The following RNASE11 variants were observed in gnomAD, a reference collection of about 807,000 sequenced individuals.
RNASE11 encodes ribonuclease A family member 11 (inactive), also known as putative inactive ribonuclease 11.
For missense variants in RNASE11, 252 were observed against 237.8 expected, an observed-to-expected ratio of 1.06 and a Z score of -0.39; for synonymous variants, 105 against 86.1, an observed-to-expected ratio of 1.22 and a Z score of -1.21.
upstream of RNASE11, chr14:20,587,902 T>C (rs1884469753): frequency 1.1e-6 from 1 of 940,830 alleles, no homozygotes. Flanking sequence ...AAATGAGCAA[T>C]GAACAGCTGA....
exon 2 of RNASE11, chr14:20,583,656 CAG>C (rs984602359): frequency 7.2e-5 from 18 of 250,022 alleles, no homozygotes; most frequent in South Asian, 2.0e-4. Context: ...TCCCCCCACA[CAG>C]AGAGAGAGAT....
At chr14:20,585,570 T>C (rs1411729720) in intron 1 of RNASE11, among the ~76,000 whole-genome samples, 1 of 152,222 alleles carries the variant, frequency 6.6e-6, no homozygotes, top group Non-Finnish European at 1.5e-5. Flanking sequence ...TTAATGGAAT[T>C]ATCCACAATT....
chr14:20,584,578 T>C, intron 1 of RNASE11, 82 bp from the exon 3 acceptor site: 3 of 1,168,222 alleles, frequency 2.6e-6, no homozygotes, highest in Non-Finnish European at 2.3e-6. Flanking sequence ...TTATTCCTGG[T>C]AGGGACCCCT....
rs554892294 is a variant in RNASE11 at position 20,585,865 on chromosome 14, G to C, written c.-22-1369C>G. ...CAATCCTGGAAAATCCCTAAAGAAA[G>C]GTTATTTAAGTTAATAATTATTTCT... On this transcript the variant is annotated intron_variant, in intron 1 of 1. Transcript: ENST00000553849. 3.7e-4 allele frequency among the ~76,000 whole-genome samples: 56 copies of C among 152,180 alleles called. No homozygotes were observed. In the South Asian group the frequency reaches 0.01, roughly 28 times the overall value.
At chr14:20,589,647 G>A (rs1316066795), upstream of RNASE11, among the ~76,000 whole-genome samples, 20 of 152,124 alleles carry the variant, frequency 1.3e-4, no homozygotes, top group Admixed American at 7.2e-4. Context: ...AGCACTTTGA[G>A]AGGCTGAGGT....
chr14:20,583,834 T>C (rs753550188), exon 2 of RNASE11: 2 of 1,536,394 alleles, frequency 1.3e-6, no homozygotes, highest in South Asian at 2.6e-5. Context: ...CAAGAAGAGG[T>C]CCTTCTTTAG....
exon 1 of RNASE11, chr14:20,587,708 A>G: frequency 5.1e-6 from 5 of 985,454 alleles, no homozygotes; most frequent in Non-Finnish European, 6.0e-6. Flanking sequence ...CTAAGATGGA[A>G]GAAGCCATGA....
chr14:20,586,912 G>T (rs773256780), intron 1 of RNASE11, among the ~76,000 whole-genome samples: 1 of 152,200 alleles, frequency 6.6e-6, no homozygotes, highest in Non-Finnish European at 1.5e-5. Context: ...TGCTTTGGGA[G>T]GCCAATGCGG....
chr14:20,589,826 G>T (rs1054651983), upstream of RNASE11, among the ~76,000 whole-genome samples: 6 of 152,124 alleles, frequency 3.9e-5, no homozygotes, highest in African/African-American at 1.2e-4. Context: ...AGCAGAGGTT[G>T]CAGTGAGCCG....
At chr14:20,585,164 G>A in intron 1 of RNASE11, 1 of 810,500 alleles carries the variant, frequency 1.2e-6, no homozygotes, top group Non-Finnish European at 1.5e-6. Context: ...GGGGTAGATA[G>A]GGTTGTATGA....
At chr14:20,590,220 G>C, upstream of RNASE11, 1 of 1,585,034 alleles carries the variant, frequency 6.3e-7, no homozygotes, top group South Asian at 1.2e-5. Flanking sequence ...TCTGCCTCAG[G>C]CACAGCCAGC....
In RNASE11 at chr14:20,584,394, TTTAA is replaced by T. The variant is rs1884387762; in HGVS notation, c.77_80del (p.Ile26LysfsTer26). Reference sequence around the variant, plus strand: ...GCATCTCTTCGTCTGTAAATTCTTCTTTAATTATCTTCATTGTGCTTTCTGATGC... The same window carrying T: ...GCATCTCTTCGTCTGTAAATTCTTCTTTATCTTCATTGTGCTTTCTGATGC... On this transcript the variant is annotated frameshift_variant, in exon 2 of 2. Transcript: ENST00000553849. LOFTEE classifies it low-confidence loss of function (END_TRUNC). The T allele has an allele frequency of 6.2e-7, 1 of 1,614,098 alleles. No individual in the cohort carries two copies.
exon 2 of RNASE11, chr14:20,584,430 A>C: frequency 1.2e-6 from 2 of 1,612,480 alleles, no homozygotes; most frequent in Middle Eastern, 3.3e-4. Flanking sequence ...ATGCTTCTGC[A>C]AGAACCAGGC....
upstream of RNASE11, chr14:20,590,204 T>C: frequency 1.3e-6 from 2 of 1,568,596 alleles, no homozygotes; most frequent in Non-Finnish European, 1.7e-6. Flanking sequence ...ATGTCCACGG[T>C]CCAGGTCTGC....
Position 20,585,093 on chromosome 14 carries a change from C to T in RNASE11, c.-22-597G>A, listed in dbSNP as rs904343864. On this transcript the variant is annotated intron_variant, in intron 1 of 1. Transcript: ENST00000553849. ...TTTGTTGCAGAGCTAAAAGTGAAAT[C>T]GTGTTTGTTTCCTGGGAGTTTCTGC... 20 of 985,260 alleles carry T rather than the reference C, an allele frequency of 2.0e-5. No homozygotes were observed. The African/African-American group carries it at 2.6e-4, about 13-fold the overall frequency. 61.0% of individuals were successfully genotyped at this position (985,260 alleles called of 1,614,324 possible). A position where few individuals can be genotyped will look rare whatever the true frequency, so the allele number is the denominator to read the frequency against.
chr14:20,585,576 C>T (rs1169078689), intron 1 of RNASE11, among the ~76,000 whole-genome samples: 1 of 152,168 alleles, frequency 6.6e-6, no homozygotes, highest in Non-Finnish European at 1.5e-5. Context: ...GAATTATCCA[C>T]AATTTTGCAT....
upstream of RNASE11, among the ~76,000 whole-genome samples, chr14:20,589,923 T>G (rs17113806): frequency 0.014 from 2,183 of 152,194 alleles, 56 homozygotes; most frequent in African/African-American, 0.049. Context: ...ATCAAATATA[T>G]TCATCTAGGT....
chr14:20,589,312 T>G (rs1884509287), upstream of RNASE11, among the ~76,000 whole-genome samples: 1 of 151,082 alleles, frequency 6.6e-6, no homozygotes, highest in East Asian at 2.0e-4. Context: ...TGGAGTGCAG[T>G]GGCGCGATCT....
At chr14:20,585,008 A>G (rs1462020888) in intron 1 of RNASE11, 1 of 921,472 alleles carries the variant, frequency 1.1e-6, no homozygotes, top group African/African-American at 1.8e-5. Context: ...ATTCTCATTC[A>G]TAAGATTTCT....
Sources: gnomAD v4.1 joint callset for allele counts (sites outside exome capture counted in the v4.1 genomes callset) on GRCh38, gnomAD v4.1.1 for gene constraint, MANE v1.5 for transcripts, NCBI Gene and HGNC (gene_info 2026-07-23, HGNC 2026-07-21) for gene names.